The following THSD7B variants were observed in gnomAD, a reference collection of about 807,000 sequenced individuals.
The protein encoded by THSD7B is thrombospondin type-1 domain-containing protein 7B.
THSD7B carries 138 observed loss-of-function variants against 213.6 expected under a neutral mutation model. The observed-to-expected ratio is 0.65, with a 90% CI of 0.56 to 0.74. THSD7B has a LOEUF of 0.74. Among genes scored for constraint, THSD7B ranks in the 30% least tolerant of loss-of-function variants. THSD7B has a pLI of 0.00. For synonymous variants in THSD7B, 742 were observed against 687.0 expected (o/e 1.08, Z -1.25); for missense variants, 1,931 against 1,991.5 (o/e 0.97, Z 0.58).
intron 1 of THSD7B, among the ~76,000 whole-genome samples, chr2:136,856,361 G>GT (rs1683181113): frequency 6.6e-6 from 1 of 152,100 alleles, no homozygotes; most frequent in Admixed American, 6.5e-5. Flanking sequence ...TGTTTGTTAT[G>GT]TTTCATCAAA....
At chr2:137,389,058 T>G (rs1264775276) in intron 12 of THSD7B, among the ~76,000 whole-genome samples, 1 of 151,726 alleles carries the variant, frequency 6.6e-6, no homozygotes, top group East Asian at 1.9e-4. Flanking sequence ...CTGGGTCATA[T>G]AGTAATTCTA....
intron 17 of THSD7B, among the ~76,000 whole-genome samples, chr2:137,608,677 T>C (rs1238121334): frequency 6.6e-6 from 1 of 152,220 alleles, no homozygotes; most frequent in Non-Finnish European, 1.5e-5. Flanking sequence ...GGGAATAGCA[T>C]AGCACCCAGA....
chr2:137,209,330 C>G (rs1573887202), intron 7 of THSD7B, among the ~76,000 whole-genome samples: 1 of 152,096 alleles, frequency 6.6e-6, no homozygotes, highest in South Asian at 2.1e-4. Context: ...TTCCTTCAAT[C>G]CATAGCTCTT....
intron 17 of THSD7B, among the ~76,000 whole-genome samples, chr2:137,609,641 G>A (rs537452537): frequency 6.6e-6 from 1 of 152,328 alleles, no homozygotes; most frequent in South Asian, 2.1e-4. Context: ...ACCCGATTGT[G>A]TATAACTTTG....
chr2:137,550,746 G>A (rs1465980903), intron 15 of THSD7B, among the ~76,000 whole-genome samples: 1 of 152,044 alleles, frequency 6.6e-6, no homozygotes, highest in Non-Finnish European at 1.5e-5. Context: ...TGGATGACAT[G>A]GATGGTTTAG....
intron 1 of THSD7B, among the ~76,000 whole-genome samples, chr2:136,788,975 A>G (rs555067812): frequency 2.6e-5 from 4 of 152,156 alleles, no homozygotes; most frequent in Admixed American, 1.3e-4. Context: ...TCTATAATTC[A>G]TAATTGAAAT....
chr2:137,404,567 A>G (rs1686464522), intron 12 of THSD7B, among the ~76,000 whole-genome samples: 1 of 86,526 alleles, frequency 1.2e-5, no homozygotes, highest in Admixed American at 1.4e-4. Context: ...ATATACACAC[A>G]CTATATATAT....
At chr2:136,958,441 TC>T (rs774509386) in intron 2 of THSD7B, among the ~76,000 whole-genome samples, 2 of 152,218 alleles carry the variant, frequency 1.3e-5, no homozygotes, top group East Asian at 3.8e-4. Flanking sequence ...ACTAGTTTAA[TC>T]CAGATATAAA....
intron 9 of THSD7B, among the ~76,000 whole-genome samples, chr2:137,238,242 T>G (rs1681811872): frequency 6.6e-6 from 1 of 152,208 alleles, no homozygotes; most frequent in South Asian, 2.1e-4. Flanking sequence ...CCAGGCTGTT[T>G]TGTGAATGTT....
intron 15 of THSD7B, among the ~76,000 whole-genome samples, chr2:137,528,301 C>A (rs1042575102): frequency 6.6e-6 from 1 of 151,982 alleles, no homozygotes; most frequent in African/African-American, 2.4e-5. Context: ...CTTTAATTTC[C>A]ACTTCTATCA....
At chr2:136,906,735 G>A (rs1288312313) in intron 2 of THSD7B, among the ~76,000 whole-genome samples, 1 of 151,914 alleles carries the variant, frequency 6.6e-6, no homozygotes, top group Non-Finnish European at 1.5e-5. Flanking sequence ...AAATAATAGT[G>A]ATCTTTCTTT....
intron 2 of THSD7B, among the ~76,000 whole-genome samples, chr2:136,933,343 G>A (rs1684666356): frequency 6.6e-6 from 1 of 152,126 alleles, no homozygotes; most frequent in African/African-American, 2.4e-5. Flanking sequence ...GGGAGGCCCA[G>A]GTGGGCAGAT....
chr2:137,464,418 G>A (rs546454127), intron 15 of THSD7B, among the ~76,000 whole-genome samples: 53 of 152,156 alleles, frequency 3.5e-4, no homozygotes, highest in African/African-American at 1.1e-3. Flanking sequence ...AGCCAAGAGA[G>A]ACACATTATT....
intron 1 of THSD7B, among the ~76,000 whole-genome samples, chr2:136,800,940 TCTTAA>T (rs1289840518): frequency 6.6e-6 from 1 of 152,076 alleles, no homozygotes; most frequent in East Asian, 1.9e-4. Flanking sequence ...AACTCTTAAC[TCTTAA>T]CTTCCTTTAC....
chr2:137,487,666 C>G (rs1688493238), intron 15 of THSD7B, among the ~76,000 whole-genome samples: 1 of 150,486 alleles, frequency 6.6e-6, no homozygotes, highest in Admixed American at 6.6e-5. Context: ...AAACTACCAT[C>G]AGAGAATAGT....
intron 15 of THSD7B, among the ~76,000 whole-genome samples, chr2:137,463,464 C>T (rs1687928497): frequency 6.6e-6 from 1 of 151,848 alleles, no homozygotes; most frequent in South Asian, 2.1e-4. Flanking sequence ...CTCTTTCCTA[C>T]CTGACAACCT....
intron 3 of THSD7B, among the ~76,000 whole-genome samples, chr2:137,067,661 T>G (rs1175873394): frequency 1.3e-5 from 2 of 152,044 alleles, no homozygotes; most frequent in Non-Finnish European, 2.9e-5. Context: ...TCTCTTCCTA[T>G]TTTCACTCCC....
At chr2:136,770,122 C>T (rs765696177) in intron 1 of THSD7B, among the ~76,000 whole-genome samples, 1 of 152,182 alleles carries the variant, frequency 6.6e-6, no homozygotes, top group Non-Finnish European at 1.5e-5. Context: ...GGAAAAATCA[C>T]AATGTTGAGT....
intron 2 of THSD7B, among the ~76,000 whole-genome samples, chr2:136,937,901 T>C (rs984713822): frequency 6.6e-6 from 1 of 152,200 alleles, no homozygotes; most frequent in African/African-American, 2.4e-5. Context: ...AAAATACTTG[T>C]CATTATCAAG....
Sources: gnomAD v4.1 joint callset for allele counts (sites outside exome capture counted in the v4.1 genomes callset) on GRCh38, gnomAD v4.1.1 for gene constraint, MANE v1.5 for transcripts, NCBI Gene and HGNC (gene_info 2026-07-23, HGNC 2026-07-21) for gene names.